Variants in ZBTB20 observed in about 807,000 individuals in gnomAD.
The protein encoded by ZBTB20 is zinc finger and BTB domain containing 20, also known as zinc finger and BTB domain-containing protein 20.
Under a neutral mutation model 56.9 loss-of-function variants are expected in ZBTB20, and 9 were observed. The observed-to-expected ratio is 0.16, with a 90% CI of 0.10 to 0.28. ZBTB20 has a LOEUF of 0.28. ZBTB20 is among the 10% of genes least tolerant of loss of function. The probability of loss-of-function intolerance (pLI) is 1.00; values close to 1 mark genes in which losing one functional copy is unlikely to be tolerated. For missense variants in ZBTB20, 655 were observed against 1,003.0 expected, an observed-to-expected ratio of 0.65 and a Z score of 4.69; for synonymous variants, 417 against 420.7, an observed-to-expected ratio of 0.99 and a Z score of 0.11.
chr3:114,384,027 T>C (rs1380820355), intron 8 of ZBTB20, among the ~76,000 whole-genome samples: 1 of 152,006 alleles, frequency 6.6e-6, no homozygotes, highest in Non-Finnish European at 1.5e-5. Context: ...GACCAGAACC[T>C]TCCTCCTGGT....
chr3:114,520,327 T>TA (rs1180536912), intron 6 of ZBTB20, among the ~76,000 whole-genome samples: 1 of 152,162 alleles, frequency 6.6e-6, no homozygotes, highest in Admixed American at 6.5e-5. Flanking sequence ...TCATTAACAA[T>TA]GCAAATTGAC....
At chr3:114,855,037 G>C (rs192893544) in intron 4 of ZBTB20, among the ~76,000 whole-genome samples, 1 of 152,208 alleles carries the variant, frequency 6.6e-6, no homozygotes, top group East Asian at 1.9e-4. Context: ...CTTTACGACA[G>C]AGACCATATC....
At chr3:115,027,186 C>CA (rs1396111597) in intron 2 of ZBTB20, among the ~76,000 whole-genome samples, 2 of 150,750 alleles carry the variant, frequency 1.3e-5, no homozygotes, top group Non-Finnish European at 3.0e-5. Flanking sequence ...AATATTTCTA[C>CA]AAAATAATCT....
chr3:115,009,298 C>T (rs1026188692), intron 2 of ZBTB20, among the ~76,000 whole-genome samples: 1 of 151,830 alleles, frequency 6.6e-6, no homozygotes, highest in Admixed American at 6.6e-5. Flanking sequence ...TTGCCACTCT[C>T]CCCACCCCAT....
intron 1 of ZBTB20, among the ~76,000 whole-genome samples, chr3:115,127,867 G>T (rs767384588): frequency 1.8e-4 from 27 of 152,132 alleles, no homozygotes; most frequent in Non-Finnish European, 3.5e-4. Flanking sequence ...ATGTTGAAAT[G>T]AAAGACACTT....
At chr3:114,602,199 G>A (rs1002621148) in intron 6 of ZBTB20, among the ~76,000 whole-genome samples, 3 of 152,006 alleles carry the variant, frequency 2.0e-5, no homozygotes, top group African/African-American at 7.2e-5. Flanking sequence ...GTTCTATAGA[G>A]TTACCTAAAG....
intron 6 of ZBTB20, among the ~76,000 whole-genome samples, chr3:114,594,495 G>A (rs2056133197): frequency 6.6e-6 from 1 of 152,012 alleles, no homozygotes; most frequent in Non-Finnish European, 1.5e-5. Context: ...TCGATCTCCT[G>A]ACCTTGTGAT....
intron 2 of ZBTB20, among the ~76,000 whole-genome samples, chr3:115,063,613 T>G (rs1020898182): frequency 2.0e-5 from 3 of 151,898 alleles, no homozygotes; most frequent in African/African-American, 7.3e-5. Context: ...TAGAAATCTG[T>G]AAGAATTTTT....
At chr3:114,996,345 T>C (rs1401138675) in intron 2 of ZBTB20, among the ~76,000 whole-genome samples, 1 of 151,860 alleles carries the variant, frequency 6.6e-6, no homozygotes, top group Non-Finnish European at 1.5e-5. Flanking sequence ...CTCCTAATGC[T>C]ATCCCTCCCC....
At chr3:114,900,174 T>C (rs1468255305) in intron 4 of ZBTB20, 130 bp downstream of exon 4, 2 of 152,132 alleles carry the variant, frequency 1.3e-5, no homozygotes, top group African/African-American at 4.8e-5. Flanking sequence ...GAAGCTGTCA[T>C]TATCTGTAAG....
intron 7 of ZBTB20, among the ~76,000 whole-genome samples, chr3:114,456,144 A>T (rs1229640075): frequency 6.6e-6 from 1 of 152,134 alleles, no homozygotes; most frequent in Non-Finnish European, 1.5e-5. Context: ...AGCCAAATGG[A>T]AATATAATTA....
At chr3:114,976,050 C>A (rs913122507) in intron 2 of ZBTB20, among the ~76,000 whole-genome samples, 1 of 152,158 alleles carries the variant, frequency 6.6e-6, no homozygotes, top group Non-Finnish European at 1.5e-5. Flanking sequence ...ATCATGTACA[C>A]CAAATTAAAT....
chr3:114,742,725 A>C (rs1040336999), intron 5 of ZBTB20, among the ~76,000 whole-genome samples: 1 of 152,118 alleles, frequency 6.6e-6, no homozygotes, highest in South Asian at 2.1e-4. Context: ...GTGGTTTTTT[A>C]ACCCTGATTG....
At chr3:114,844,758 G>A (rs958705362) in intron 4 of ZBTB20, among the ~76,000 whole-genome samples, 1 of 150,958 alleles carries the variant, frequency 6.6e-6, no homozygotes, top group African/African-American at 2.4e-5. Context: ...TCATTCTAAA[G>A]GATGTGTAAT....
intron 6 of ZBTB20, among the ~76,000 whole-genome samples, chr3:114,652,545 G>A (rs1457092145): frequency 6.6e-6 from 1 of 151,876 alleles, no homozygotes; most frequent in African/African-American, 2.4e-5. Flanking sequence ...CAATATGGTA[G>A]GCATATGCTT....
At chr3:114,548,523 T>C (rs1005974821) in intron 6 of ZBTB20, among the ~76,000 whole-genome samples, 4 of 150,992 alleles carry the variant, frequency 2.6e-5, no homozygotes, top group African/African-American at 7.3e-5. Flanking sequence ...TTTTCTTTTT[T>C]TTTTTTTCTT....
chr3:114,463,731 A>T (rs1426657137), intron 7 of ZBTB20, among the ~76,000 whole-genome samples: 2 of 152,360 alleles, frequency 1.3e-5, no homozygotes, highest in African/African-American at 4.8e-5. Flanking sequence ...AACATTTAAA[A>T]GAACAGGAAC....
At chr3:114,734,577 AT>A (rs1454357495) in intron 5 of ZBTB20, among the ~76,000 whole-genome samples, 1 of 152,156 alleles carries the variant, frequency 6.6e-6, no homozygotes, top group African/African-American at 2.4e-5. Flanking sequence ...TTAAGTTCTT[AT>A]GGCAAATTTT....
At position 114,747,439 on chromosome 3, in the gene ZBTB20, C is replaced by T. The variant is rs189120732; in HGVS notation, c.-343+53662G>A. 4.2e-3 allele frequency among the ~76,000 whole-genome samples: 643 copies of T among 152,214 alleles called. 2 individuals carry two copies. The highest frequency in any genetic ancestry group is 7.3e-3 in the Non-Finnish European group (498 of 68,002). On this transcript the variant is annotated intron_variant, in intron 5 of 11. Coordinates refer to ENST00000675478, the MANE Select transcript of ZBTB20 (RefSeq NM_001348800.3). ...AAAATTAGCCAGGCATGGTGGTACA[C>T]ACCTGTAATCCCAGTTCGGGAGGCT...
Sources: gnomAD v4.1 joint callset for allele counts (sites outside exome capture counted in the v4.1 genomes callset) on GRCh38, gnomAD v4.1.1 for gene constraint, MANE v1.5 for transcripts, NCBI Gene and HGNC (gene_info 2026-07-23, HGNC 2026-07-21) for gene names.